ARHGAP15: variants seen among roughly 807,000 people sequenced by gnomAD.
ARHGAP15 encodes rho GTPase-activating protein 15.
ARHGAP15 carries 51 observed loss-of-function variants against 63.7 expected under a neutral mutation model. The ratio of observed to expected loss-of-function variants is 0.80; its 90% CI spans 0.64 to 1.01. ARHGAP15 has a LOEUF of 1.01. Ranked by LOEUF, ARHGAP15 falls within the 50% of genes least tolerant of loss-of-function variation. The pLI is 0.00. For synonymous variants in ARHGAP15, 191 were observed against 193.8 expected, an observed-to-expected ratio of 0.99 and a Z score of 0.12; for missense variants, 560 against 564.6, an observed-to-expected ratio of 0.99 and a Z score of 0.08.
chr2:143,334,080 A>G (rs940180057), intron 6 of ARHGAP15, among the ~76,000 whole-genome samples: 9 of 152,198 alleles, frequency 5.9e-5, no homozygotes, highest in Non-Finnish European at 8.8e-5. Flanking sequence ...TCCATCTTAC[A>G]CTACTTATCA....
chr2:143,632,173 CTT>C (rs1680071141), intron 12 of ARHGAP15, among the ~76,000 whole-genome samples: 1 of 151,994 alleles, frequency 6.6e-6, no homozygotes, highest in Admixed American at 6.6e-5. Context: ...ACAAAAATAA[CTT>C]TTCCTCCCAC....
At chr2:143,581,040 T>C (rs901150987) in intron 11 of ARHGAP15, among the ~76,000 whole-genome samples, 2 of 152,166 alleles carry the variant, frequency 1.3e-5, no homozygotes, top group Admixed American at 1.3e-4. Context: ...ATTTTCATTC[T>C]CATTTTAAGC....
intron 12 of ARHGAP15, among the ~76,000 whole-genome samples, chr2:143,656,343 T>G (rs998202543): frequency 6.6e-6 from 1 of 152,224 alleles, no homozygotes; most frequent in African/African-American, 2.4e-5. Context: ...CCCGGTTTAG[T>G]TATATACAGT....
chr2:143,765,308 G>C (rs1348252346), intron 13 of ARHGAP15, among the ~76,000 whole-genome samples: 2 of 152,132 alleles, frequency 1.3e-5, no homozygotes, highest in Non-Finnish European at 2.9e-5. Context: ...AGATGGGCAT[G>C]TTAAAGAGAA....
intron 6 of ARHGAP15, among the ~76,000 whole-genome samples, chr2:143,364,212 A>C (rs372569499): frequency 0.024 from 3,709 of 152,132 alleles, 73 homozygotes; most frequent in South Asian, 0.1. Context: ...ACAAAAAAAA[A>C]AAAAAAACAT....
At chr2:143,749,818 A>T (rs1321609927) in intron 13 of ARHGAP15, among the ~76,000 whole-genome samples, 1 of 152,212 alleles carries the variant, frequency 6.6e-6, no homozygotes, top group East Asian at 1.9e-4. Context: ...AGCACTCAGC[A>T]TGGATAATAG....
At chr2:143,358,046 A>C (rs945406771) in intron 6 of ARHGAP15, among the ~76,000 whole-genome samples, 3 of 152,224 alleles carry the variant, frequency 2.0e-5, no homozygotes, top group African/African-American at 4.8e-5. Context: ...ACTTAGACCT[A>C]ATCATCTGAC....
At chr2:143,293,403 T>G (rs1682494495) in intron 6 of ARHGAP15, among the ~76,000 whole-genome samples, 1 of 152,104 alleles carries the variant, frequency 6.6e-6, no homozygotes, top group South Asian at 2.1e-4. Context: ...TGAAAATGAT[T>G]TTGTGAAGTT....
chr2:143,373,905 C>T (rs1198249292), intron 6 of ARHGAP15, among the ~76,000 whole-genome samples: 1 of 152,118 alleles, frequency 6.6e-6, no homozygotes, highest in Non-Finnish European at 1.5e-5. Flanking sequence ...TTGAGTTACT[C>T]ATGAACAAGA....
chr2:143,724,051 A>ATGTGTGTGTG (rs70982882), intron 13 of ARHGAP15, among the ~76,000 whole-genome samples: 119 of 149,964 alleles, frequency 7.9e-4, no homozygotes, highest in East Asian at 4.2e-3. Context: ...ATCCACCTTC[A>ATGTGTGTGTG]TGTGTGTGTG....
intron 2 of ARHGAP15, among the ~76,000 whole-genome samples, chr2:143,200,494 C>T (rs1025772025): frequency 4.6e-5 from 7 of 151,768 alleles, no homozygotes; most frequent in African/African-American, 1.7e-4. Flanking sequence ...CTTTCCTAGA[C>T]ATAGTACTCA....
intron 6 of ARHGAP15, among the ~76,000 whole-genome samples, chr2:143,434,616 TTGAG>T (rs1428252366): frequency 1.3e-5 from 2 of 152,140 alleles, no homozygotes; most frequent in Non-Finnish European, 2.9e-5. Context: ...TGGCTCCTGA[TTGAG>T]TATTTTGAAA....
chr2:143,261,906 A>G (rs990965567), intron 6 of ARHGAP15, among the ~76,000 whole-genome samples: 47 of 152,130 alleles, frequency 3.1e-4, no homozygotes, highest in Non-Finnish European at 1.2e-4. Flanking sequence ...TTTCCACCCA[A>G]GGATAGACAA....
intron 11 of ARHGAP15, among the ~76,000 whole-genome samples, chr2:143,589,955 C>T (rs144515732): frequency 3.9e-4 from 59 of 152,246 alleles, no homozygotes; most frequent in African/African-American, 1.3e-3. Flanking sequence ...AAAGGTGTGG[C>T]TTATATGATT....
At chr2:143,643,327 C>T (rs966299934) in intron 12 of ARHGAP15, among the ~76,000 whole-genome samples, 4 of 152,000 alleles carry the variant, frequency 2.6e-5, no homozygotes, top group Admixed American at 1.3e-4. Flanking sequence ...TCAAGAGGCT[C>T]ATGTGCCACT....
At chr2:143,657,085 G>A (rs985045951) in intron 12 of ARHGAP15, among the ~76,000 whole-genome samples, 2 of 152,096 alleles carry the variant, frequency 1.3e-5, no homozygotes, top group South Asian at 2.1e-4. Context: ...GGTGGCTCAC[G>A]CCTGTAATCC....
In ARHGAP15 at chr2:143,598,928, GT is replaced by G. The variant is rs756126227; in HGVS notation, c.1004-25193del. 8.8e-3 allele frequency among the ~76,000 whole-genome samples: 1,294 copies of G among 147,478 alleles called. 6 individuals are homozygous for G. Among genetic ancestry groups the G allele is most frequent in the East Asian group, 0.016 (79 of 5,084 alleles). ...AGACCTTATCTTAAAAAATAAGTTG[GT>G]TTTTTTTTTTTAAAAAAAACTAAGT... On this transcript the variant is annotated intron_variant, in intron 11 of 13. Coordinates refer to ENST00000295095, the MANE Select transcript of ARHGAP15 (RefSeq NM_018460.4).
intron 8 of ARHGAP15, among the ~76,000 whole-genome samples, chr2:143,483,382 A>G (rs1407636114): frequency 6.6e-6 from 1 of 152,092 alleles, no homozygotes; most frequent in African/African-American, 2.4e-5. Flanking sequence ...CAAATGGAAG[A>G]AAAAAAATAT....
At chr2:143,163,261 A>T (rs774870157) in intron 2 of ARHGAP15, among the ~76,000 whole-genome samples, 59 of 151,898 alleles carry the variant, frequency 3.9e-4, no homozygotes, top group Non-Finnish European at 7.5e-4. Context: ...ATGGCACGGT[A>T]GCATCTTTGC....
Sources: allele counts gnomAD v4.1 joint callset (sites outside exome capture counted in the v4.1 genomes callset), GRCh38; gene constraint gnomAD v4.1.1; transcripts MANE v1.5; gene names NCBI Gene and HGNC (gene_info 2026-07-23, HGNC 2026-07-21).